The following SPIRE1 variants were observed in gnomAD, a reference collection of about 807,000 sequenced individuals.
SPIRE1 encodes the protein protein spire homolog 1.
In SPIRE1, 40 loss-of-function variants were observed where a neutral mutation model predicts 94.1. The observed-to-expected ratio is 0.43, with a 90% confidence interval of 0.33 to 0.55. The LOEUF is 0.55. Among genes scored for constraint, SPIRE1 ranks in the 20% least tolerant of loss-of-function variants. The probability of loss-of-function intolerance (pLI) is 0.06; values close to 1 mark genes in which losing one functional copy is unlikely to be tolerated. For missense variants in SPIRE1, 838 were observed against 975.2 expected, an observed-to-expected ratio of 0.86 and a Z score of 1.87; for synonymous variants, 376 against 371.7, an observed-to-expected ratio of 1.01 and a Z score of -0.13.
chr18:12,583,649 C>A (rs2036314956), intron 2 of SPIRE1, among the ~76,000 whole-genome samples: 1 of 151,560 alleles, frequency 6.6e-6, no homozygotes, highest in South Asian at 2.1e-4. Flanking sequence ...AAAGGCCAGG[C>A]CAGGTAGCTC....
intron 9 of SPIRE1, among the ~76,000 whole-genome samples, chr18:12,483,291 GT>G (rs976836440): frequency 2.6e-5 from 4 of 151,778 alleles, no homozygotes; most frequent in African/African-American, 9.7e-5. Context: ...ATCACTTATA[GT>G]TTTCTGTTTG....
At chr18:12,623,431 G>A (rs2037533028) in intron 2 of SPIRE1, among the ~76,000 whole-genome samples, 1 of 152,122 alleles carries the variant, frequency 6.6e-6, no homozygotes, top group African/African-American at 2.4e-5. Context: ...GGGATTACAG[G>A]TGTAAGCCAC....
At chr18:12,520,536 G>T (rs142502161) in intron 4 of SPIRE1, among the ~76,000 whole-genome samples, 3 of 152,118 alleles carry the variant, frequency 2.0e-5, no homozygotes, top group African/African-American at 7.2e-5. Context: ...ACCAGTGCTC[G>T]GCATGTTACC....
At chr18:12,523,016 C>T (rs570852116) in intron 4 of SPIRE1, among the ~76,000 whole-genome samples, 2 of 152,238 alleles carry the variant, frequency 1.3e-5, no homozygotes, top group South Asian at 4.1e-4. Flanking sequence ...AGTGATTCCT[C>T]TGATGGGTTT....
rs979047298 is a variant in SPIRE1 at position 12,447,163 on chromosome 18, C to T, written c.*2475G>A. Reference sequence around the variant, plus strand: ...GGACAAAAGGAACCGGTGCTCAGGCCTGGAGGGAGCTGAGATGAGAGCAGG... The same window carrying T: ...GGACAAAAGGAACCGGTGCTCAGGCTTGGAGGGAGCTGAGATGAGAGCAGG... On this transcript the variant is annotated 3_prime_UTR_variant, in exon 17 of 17. Transcript: ENST00000409402. 2 of 152,136 alleles carry T rather than the reference C, an allele frequency of 1.3e-5. No individual in the cohort carries two copies. The highest frequency in any genetic ancestry group is 2.9e-5 in the Non-Finnish European group (2 of 68,072). The allele number at this position is 152,136 out of a possible 1,614,324, so 9.4% of individuals were successfully genotyped here. A position where few individuals can be genotyped will look rare whatever the true frequency, so the allele number is the denominator to read the frequency against.
At chr18:12,466,855 G>T (rs1440670395) in intron 10 of SPIRE1, among the ~76,000 whole-genome samples, 1 of 152,070 alleles carries the variant, frequency 6.6e-6, no homozygotes, top group African/African-American at 2.4e-5. Context: ...TTAAGAATTC[G>T]CTGTTCACCA....
rs1230074005 is a variant in SPIRE1, at chr18:12,476,577, ATATATATAT to A, written c.1404+3113_1404+3121del. On this transcript the variant is annotated intron_variant, in intron 10 of 16. Coordinates refer to ENST00000409402, the MANE Select transcript of SPIRE1 (RefSeq NM_001128626.2). ...AAAAAAAAAAAAAATATATATATAT[ATATATATAT>A]ATACACACACACACACACACACATA... 1.0e-4 allele frequency among the ~76,000 whole-genome samples: 14 copies of A among 136,198 alleles called. 1 individual carries two copies. The Admixed American group carries it at 1.1e-3, about 11-fold the overall frequency. The allele number at this position is 136,198 out of a possible 152,430, so 89.4% of individuals were successfully genotyped here.
intron 2 of SPIRE1, among the ~76,000 whole-genome samples, chr18:12,603,686 T>A (rs1272899410): frequency 6.6e-6 from 1 of 151,820 alleles, no homozygotes; most frequent in East Asian, 1.9e-4. Flanking sequence ...GCAATTCTAC[T>A]GCCTCAGCCT....
At chr18:12,530,780 T>C (rs914451305) in intron 4 of SPIRE1, among the ~76,000 whole-genome samples, 2 of 152,196 alleles carry the variant, frequency 1.3e-5, no homozygotes, top group Admixed American at 6.5e-5. Context: ...AAAAATGAGT[T>C]ATTTGCTTTA....
At chr18:12,646,319 T>C (rs771616066) in intron 1 of SPIRE1, among the ~76,000 whole-genome samples, 3 of 152,206 alleles carry the variant, frequency 2.0e-5, no homozygotes, top group Non-Finnish European at 2.9e-5. Context: ...TGGGCTCTCA[T>C]AGTTTTCTAA....
intron 6 of SPIRE1, among the ~76,000 whole-genome samples, chr18:12,504,853 T>C (rs2033778085): frequency 6.6e-6 from 1 of 152,116 alleles, no homozygotes; most frequent in African/African-American, 2.4e-5. Context: ...GCAAATTATG[T>C]GGCTATGAGG....
rs1368866921 is a variant in SPIRE1, at chr18:12,489,167, G to C, written c.1190-3167C>G. The stretch of plus-strand genomic sequence containing the variant: ...CGCACCACTGCACTCCAGCCTGGGA[G>C]ACAGTGCGAGACTCCGTCTCAAAAA... On this transcript the variant is annotated intron_variant, in intron 8 of 16. Coordinates refer to ENST00000409402, the MANE Select transcript of SPIRE1 (RefSeq NM_001128626.2). Among the ~76,000 whole-genome samples, 11 of 152,220 alleles carry C rather than the reference G, an allele frequency of 7.2e-5. No homozygotes were observed. In the South Asian group the frequency reaches 1.9e-3, roughly 26 times the overall value.
chr18:12,468,794 C>T (rs973744100), intron 10 of SPIRE1, among the ~76,000 whole-genome samples: 3 of 152,158 alleles, frequency 2.0e-5, no homozygotes, highest in African/African-American at 4.8e-5. Context: ...CATGGTAGCT[C>T]GCCCCTGCAT....
chr18:12,518,445 T>C (rs1028754297), intron 4 of SPIRE1, among the ~76,000 whole-genome samples: 2 of 151,960 alleles, frequency 1.3e-5, no homozygotes, highest in Admixed American at 1.3e-4. Flanking sequence ...TGAGCTGTGA[T>C]TGCATCACTG....
intron 4 of SPIRE1, among the ~76,000 whole-genome samples, chr18:12,526,092 C>CACACAG (rs765621602): frequency 1.3e-5 from 2 of 148,974 alleles, no homozygotes; most frequent in African/African-American, 4.9e-5. Flanking sequence ...CACACACACA[C>CACACAG]AGAGATGTAT....
chr18:12,478,000 C>T (rs2032672478), intron 10 of SPIRE1, among the ~76,000 whole-genome samples: 2 of 151,732 alleles, frequency 1.3e-5, no homozygotes, highest in African/African-American at 4.8e-5. Context: ...TTTGGGGAGC[C>T]AAGAAGAAAG....
intron 1 of SPIRE1, among the ~76,000 whole-genome samples, chr18:12,648,904 A>AG (rs1424537317): frequency 7.3e-5 from 11 of 151,150 alleles, no homozygotes; most frequent in Non-Finnish European, 1.2e-4. Context: ...AAAAAAAAAA[A>AG]AAAAAAAGAA....
At chr18:12,549,435 TGTTG>T (rs1567926190) in intron 2 of SPIRE1, among the ~76,000 whole-genome samples, 1 of 139,894 alleles carries the variant, frequency 7.1e-6, no homozygotes, top group Non-Finnish European at 1.5e-5. Context: ...TTTTTGTTAT[TGTTG>T]TTTTTTTTTT....
At chr18:12,503,461 G>A (rs936173988) in intron 6 of SPIRE1, among the ~76,000 whole-genome samples, 10 of 152,108 alleles carry the variant, frequency 6.6e-5, no homozygotes, top group East Asian at 3.9e-4. Context: ...CTTCAGCGCC[G>A]AGGCTGCACG....
Sources: gnomAD v4.1 joint callset for allele counts (sites outside exome capture counted in the v4.1 genomes callset) on GRCh38, gnomAD v4.1.1 for gene constraint, MANE v1.5 for transcripts, NCBI Gene and HGNC (gene_info 2026-07-23, HGNC 2026-07-21) for gene names.